The following PTPRD variants were observed in gnomAD, a reference collection of about 807,000 sequenced individuals.
PTPRD encodes protein tyrosine phosphatase receptor type D, also known as receptor-type tyrosine-protein phosphatase delta.
Under a neutral mutation model 214.5 loss-of-function variants are expected in PTPRD, and 34 were observed. The ratio of observed to expected loss-of-function variants is 0.16; its 90% CI spans 0.12 to 0.21. PTPRD has a LOEUF of 0.21. PTPRD is among the 10% of genes least tolerant of loss of function. PTPRD has a pLI of 1.00. For missense variants in PTPRD, 2,545 were observed against 2,398.7 expected (o/e 1.06, Z -1.27); for synonymous variants, 1,128 against 845.7 (o/e 1.33, Z -5.79).
At chr9:8,545,301 G>A (rs1564216633) in intron 14 of PTPRD, among the ~76,000 whole-genome samples, 1 of 152,134 alleles carries the variant, frequency 6.6e-6, no homozygotes, top group African/African-American at 2.4e-5. Context: ...ACCCATTTCT[G>A]ATAATTCAGT....
chr9:10,131,908 A>T (rs1464460182), intron 3 of PTPRD, among the ~76,000 whole-genome samples: 1 of 152,178 alleles, frequency 6.6e-6, no homozygotes, highest in Admixed American at 6.6e-5. Flanking sequence ...ATCAAAAAAT[A>T]TGCTCAAACA....
At chr9:10,078,055 G>T (rs2098163891) in intron 3 of PTPRD, among the ~76,000 whole-genome samples, 1 of 151,850 alleles carries the variant, frequency 6.6e-6, no homozygotes. Context: ...CAGACAAGTG[G>T]CTGGAGATGG....
At chr9:8,947,313 G>A (rs1353977600) in intron 11 of PTPRD, among the ~76,000 whole-genome samples, 2 of 151,192 alleles carry the variant, frequency 1.3e-5, no homozygotes, top group Non-Finnish European at 3.0e-5. Context: ...AATACAAAAA[G>A]TTAGCTGGGC....
At chr9:9,408,839 T>C (rs1234070182) in intron 8 of PTPRD, among the ~76,000 whole-genome samples, 1 of 151,898 alleles carries the variant, frequency 6.6e-6, no homozygotes, top group Non-Finnish European at 1.5e-5. Flanking sequence ...GTAATCATAT[T>C]TTCTTTTTCC....
chr9:9,443,894 C>T (rs1588583359), intron 8 of PTPRD, among the ~76,000 whole-genome samples: 2 of 152,256 alleles, frequency 1.3e-5, no homozygotes, highest in Non-Finnish European at 2.9e-5. Flanking sequence ...AGCTTGAAAG[C>T]AAGACTGAAA....
intron 11 of PTPRD, among the ~76,000 whole-genome samples, chr9:8,868,785 T>C (rs988759911): frequency 6.6e-6 from 1 of 152,176 alleles, no homozygotes; most frequent in African/African-American, 2.4e-5. Flanking sequence ...TTTCAGCATA[T>C]CTTATTGCTT....
intron 7 of PTPRD, among the ~76,000 whole-genome samples, chr9:9,600,645 T>C (rs2093678328): frequency 1.3e-5 from 2 of 152,120 alleles, no homozygotes. Flanking sequence ...TGGCATCAAC[T>C]GTTTTGTGAG....
rs140720005 is a variant in PTPRD, at chr9:8,824,916, T to C, written c.-103-90970A>G. 8.8e-3 allele frequency among the ~76,000 whole-genome samples: 1,341 copies of C among 152,298 alleles called. 23 individuals carry two copies. Among genetic ancestry groups the C allele is most frequent in the African/African-American group, 0.031 (1,273 of 41,556 alleles). ...CCCAGTTTTCCATTTTCACTAAAGA[T>C]AAATTATGGTAAGACTGATTTGCTT... On this transcript the variant is annotated intron_variant, in intron 11 of 45. Transcript: ENST00000381196.
At chr9:8,452,699 T>A (rs2096008275) in intron 33 of PTPRD, among the ~76,000 whole-genome samples, 1 of 152,194 alleles carries the variant, frequency 6.6e-6, no homozygotes, top group Non-Finnish European at 1.5e-5. Flanking sequence ...AAATGGAAGA[T>A]CACTTGACAT....
chr9:9,928,260 A>G (rs748758996), intron 5 of PTPRD, among the ~76,000 whole-genome samples: 2 of 152,322 alleles, frequency 1.3e-5, no homozygotes, highest in East Asian at 3.9e-4. Context: ...TTCCAGATCA[A>G]TGAATCAATG....
intron 2 of PTPRD, among the ~76,000 whole-genome samples, chr9:10,517,475 T>A (rs568902901): frequency 6.6e-6 from 1 of 152,204 alleles, no homozygotes; most frequent in South Asian, 2.1e-4. Flanking sequence ...TTGTGGACTC[T>A]AGGGTTTTCT....
rs72696632 is a variant in PTPRD, at chr9:8,547,008, A to T, written c.353-18229T>A. ...CTAACATTAACCTGTCTTACTACAA[A>T]ATTTTCCTGCTCCACTGTCATACCA... On this transcript the variant is annotated intron_variant, in intron 14 of 45. Coordinates refer to ENST00000381196, the MANE Select transcript of PTPRD (RefSeq NM_002839.4). Among the ~76,000 whole-genome samples the T allele has an allele frequency of 3.0e-3, 464 of 152,208 alleles. 1 individual carries two copies. Among genetic ancestry groups the T allele is most frequent in the Non-Finnish European group, 4.0e-3 (271 of 68,004 alleles).
At chr9:8,577,733 C>G (rs1422146381) in intron 14 of PTPRD, among the ~76,000 whole-genome samples, 4 of 152,170 alleles carry the variant, frequency 2.6e-5, no homozygotes, top group African/African-American at 7.2e-5. Context: ...ACTGCAGTAG[C>G]TATAAATGAT....
chr9:10,312,964 G>T (rs1168601500), intron 3 of PTPRD, among the ~76,000 whole-genome samples: 3 of 151,908 alleles, frequency 2.0e-5, no homozygotes, highest in Non-Finnish European at 4.4e-5. Context: ...CCATCCTTTA[G>T]TCTGTCAATG....
chr9:10,284,828 A>T (rs1794355105), intron 3 of PTPRD, among the ~76,000 whole-genome samples: 1 of 152,084 alleles, frequency 6.6e-6, no homozygotes, highest in African/African-American at 2.4e-5. Flanking sequence ...TCTCTTTGGA[A>T]TCCTTTTAAG....
intron 9 of PTPRD, among the ~76,000 whole-genome samples, chr9:9,314,565 T>C (rs1961440162): frequency 6.6e-6 from 1 of 152,098 alleles, no homozygotes; most frequent in South Asian, 2.1e-4. Context: ...TAACATGTGA[T>C]AAATGTAAAA....
chr9:10,026,358 T>C (rs1053382923), intron 4 of PTPRD, among the ~76,000 whole-genome samples: 1 of 152,162 alleles, frequency 6.6e-6, no homozygotes, highest in Non-Finnish European at 1.5e-5. Flanking sequence ...AGTCTCAACA[T>C]TAAATAACCA....
intron 3 of PTPRD, among the ~76,000 whole-genome samples, chr9:10,043,451 G>T (rs1169417523): frequency 2.0e-5 from 3 of 151,774 alleles, no homozygotes; most frequent in Admixed American, 1.3e-4. Flanking sequence ...ATTACTCCTG[G>T]TAAAGGAGTA....
chr9:9,665,463 T>A (rs529866748), intron 7 of PTPRD, among the ~76,000 whole-genome samples: 1 of 151,726 alleles, frequency 6.6e-6, no homozygotes, highest in African/African-American at 2.4e-5. Context: ...AAAACTAAAA[T>A]TTATTAGATA....
Sources: allele counts gnomAD v4.1 joint callset (sites outside exome capture counted in the v4.1 genomes callset), GRCh38; gene constraint gnomAD v4.1.1; transcripts MANE v1.5; gene names NCBI Gene and HGNC (gene_info 2026-07-23, HGNC 2026-07-21).